The following IKBKB variants were observed in gnomAD, a reference collection of about 807,000 sequenced individuals.
IKBKB encodes the protein inhibitor of nuclear factor kappa-B kinase subunit beta.
Under a neutral mutation model 113.6 loss-of-function variants are expected in IKBKB, and 42 were observed. The observed-to-expected ratio is 0.37, with a 90% confidence interval of 0.29 to 0.48. The LOEUF is 0.48. IKBKB is among the 20% of genes least tolerant of loss of function. The pLI, the probability that IKBKB is intolerant of heterozygous loss-of-function variation, is 0.99. For missense variants in IKBKB, 673 were observed against 939.7 expected, an observed-to-expected ratio of 0.72 and a Z score of 3.71; for synonymous variants, 296 against 361.3, an observed-to-expected ratio of 0.82 and a Z score of 2.05.
intron 6 of IKBKB, among the ~76,000 whole-genome samples, chr8:42,305,747 C>T (rs984984208): frequency 6.6e-6 from 1 of 152,156 alleles, no homozygotes; most frequent in Non-Finnish European, 1.5e-5. Flanking sequence ...AGTGGCCACC[C>T]GGCTCAGACG....
chr8:42,295,486 G>C (rs1481800763), intron 5 of IKBKB, among the ~76,000 whole-genome samples: 1 of 152,148 alleles, frequency 6.6e-6, no homozygotes, highest in Non-Finnish European at 1.5e-5. Context: ...CAGCACTTTG[G>C]GGGGCTGATG....
chr8:42,317,145 C>A, intron 11 of IKBKB: 1 of 530,260 alleles, frequency 1.9e-6, no homozygotes, highest in Non-Finnish European at 3.4e-6. Context: ...GCCTTTATTG[C>A]AAAAAATGAT....
chr8:42,329,075 C>G (rs752659396), intron 20 of IKBKB, 49 bp from the exon 21 acceptor site: 1 of 1,425,230 alleles, frequency 7.0e-7, no homozygotes, highest in Non-Finnish European at 9.8e-7. Context: ...AGTGTTAGCT[C>G]TGATAACTAA....
At position 42,319,653 on chromosome 8, in the gene IKBKB, G is replaced by GACT. The variant is rs769823111; in HGVS notation, c.1578+8_1578+10dup. 2 of 1,581,714 alleles carry GACT rather than the reference G, an allele frequency of 1.3e-6. No individual in the cohort carries two copies. Among genetic ancestry groups the GACT allele is most frequent in the East Asian group, 4.5e-5 (2 of 44,624 alleles). Reference sequence around the variant, plus strand: ...TGTGGAGCTCTGTGGGCGGGTAGGAGACTCATTTTGGGTTTCGGAACTTAC... The same window carrying GACT: ...TGTGGAGCTCTGTGGGCGGGTAGGAGACTACTCATTTTGGGTTTCGGAACTTAC... On this transcript the variant is annotated splice_region_variant and intron_variant, in intron 15 of 21. Coordinates refer to ENST00000520810, the MANE Select transcript of IKBKB (RefSeq NM_001556.3).
chr8:42,297,183 G>A (rs769587511), intron 5 of IKBKB, among the ~76,000 whole-genome samples: 15 of 152,166 alleles, frequency 9.9e-5, no homozygotes, highest in Non-Finnish European at 2.1e-4. Flanking sequence ...TGATGAGCTC[G>A]TATTTTACTT....
intron 8 of IKBKB, among the ~76,000 whole-genome samples, chr8:42,313,335 C>T (rs946721103): frequency 9.9e-5 from 15 of 152,066 alleles, no homozygotes; most frequent in African/African-American, 3.6e-4. Flanking sequence ...CCAGTAGTCC[C>T]AGCTACTCAG....
At chr8:42,275,152 C>T (rs1808816736) in intron 2 of IKBKB, among the ~76,000 whole-genome samples, 1 of 151,520 alleles carries the variant, frequency 6.6e-6, no homozygotes, top group African/African-American at 2.4e-5. Flanking sequence ...ACTGGGATTA[C>T]AGGCATGAGC....
At position 42,272,111 on chromosome 8, in the gene IKBKB, C is replaced by T; in HGVS notation, c.11C>T (p.Ser4Leu). Residue 4 changes from serine (S) to leucine (L), a missense_variant, in exon 2 of 22, where the codon TCA becomes TTA. Around this residue, in one of 2 missense-constraint regions of IKBKB, gnomAD observed 167 missense variants for 301.0 expected, o/e 0.55. Transcript: ENST00000520810. ...TAGCACGACATCAGTATGAGCTGGT[C>T]ACCTTCCCTGACAACGCAGACATGT... MSW[S>L]PSLTTQTCGA... The T allele has an allele frequency of 6.2e-7, 1 of 1,614,142 alleles. No individual in the cohort carries two copies. The highest frequency in any genetic ancestry group is 1.1e-5 in the South Asian group (1 of 91,074).
In IKBKB at chr8:42,316,281, A is replaced by G; in HGVS notation, c.872A>G (p.Asp291Gly). Residue 291 changes from aspartate (D) to glycine (G), a missense_variant, in exon 10 of 22, where the codon GAT becomes GGT. This residue lies in a region of IKBKB where 506 missense variants were observed against 638.7 expected (regional missense o/e 0.79). Coordinates refer to ENST00000520810, the MANE Select transcript of IKBKB (RefSeq NM_001556.3). The surrounding 1 kb of genome is among the most constrained non-coding windows in gnomAD (Gnocchi z 4.5). The part of the protein sequence containing the change: ...LMWHPRQRGT[D>G]PTYGPNGCFK... ...TGGCACCCCCGACAGAGGGGCACGG[A>G]TCCCACGTATGGGCCCAATGGCTGC... is the stretch of plus-strand genomic sequence containing the variant. The G allele has an allele frequency of 6.2e-7, 1 of 1,614,116 alleles. No homozygotes were observed. The highest frequency in any genetic ancestry group is 8.5e-7 in the Non-Finnish European group (1 of 1,180,018).
At position 42,272,159 on chromosome 8, in the gene IKBKB, G is replaced by A. The variant is rs749580126; in HGVS notation, c.59G>A (p.Arg20His). 1 of 1,614,192 alleles carries A rather than the reference G, an allele frequency of 6.2e-7. No homozygotes were observed. The highest frequency in any genetic ancestry group is 8.5e-7 in the Non-Finnish European group (1 of 1,180,040). The change falls in exon 2 of 22, where the codon CGC becomes CAC. Residue 20 changes from arginine (R) to histidine (H), a missense_variant. Physicochemically the swap from Arg to His is conservative, Grantham distance 29. This residue lies in a region of IKBKB where 167 missense variants were observed against 301.0 expected (regional missense o/e 0.55). Transcript: ENST00000520810. ...QTCGAWEMKE[R>H]LGTGGFGNVI... ...TGTGGGGCCTGGGAAATGAAAGAGC[G>A]CCTTGGGACAGGGGGATTTGGAAAT...
chr8:42,318,330 A>C (rs1288996275), intron 12 of IKBKB, among the ~76,000 whole-genome samples: 1 of 152,202 alleles, frequency 6.6e-6, no homozygotes, highest in African/African-American at 2.4e-5. Flanking sequence ...TGGTTCGTAA[A>C]GTGTTCCTTC....
intron 12 of IKBKB, 150 bp downstream of exon 12, chr8:42,317,921 G>T: frequency 1.5e-6 from 1 of 651,018 alleles, no homozygotes; most frequent in Non-Finnish European, 2.8e-6. Flanking sequence ...TTTAGGACAT[G>T]CAAGGAGTAG....
chr8:42,287,088 ACAGTGGTG>A (rs1488073364), intron 2 of IKBKB, among the ~76,000 whole-genome samples: 1 of 152,188 alleles, frequency 6.6e-6, no homozygotes, highest in Non-Finnish European at 1.5e-5. Flanking sequence ...AAAAGAGGTG[ACAGTGGTG>A]CAGTGGTGAC....
At chr8:42,271,633 G>A in intron 1 of IKBKB, 164 bp downstream of exon 1, 6 of 547,710 alleles carry the variant, frequency 1.1e-5, no homozygotes, top group Non-Finnish European at 1.6e-5. Context: ...GGGAGAAACA[G>A]CTCTCCCTGG....
In IKBKB at chr8:42,326,049, C is replaced by T; in HGVS notation, c.2066C>T (p.Ser689Phe). The stretch of plus-strand genomic sequence containing the variant: ...CTTAGCCAGCCTGGGCAGCTGATGT[C>T]TCAGCCCTCCACGGCCTCCAACAGC... Reference protein sequence around the residue: ...SRLSQPGQLMSQPSTASNSLP... With the variant: ...SRLSQPGQLMFQPSTASNSLP... Residue 689 changes from serine to phenylalanine, a missense_variant, in exon 20 of 22, where the codon TCT (serine) becomes TTT (phenylalanine). By Grantham distance (155) the Ser-to-Phe change is radical. Around this residue, in one of 2 missense-constraint regions of IKBKB, gnomAD observed 506 missense variants for 638.7 expected, o/e 0.79. Transcript: ENST00000520810. 6.2e-7 allele frequency: 1 copy of T among 1,614,236 alleles called. No homozygotes were observed. The highest frequency in any genetic ancestry group is 8.5e-7 in the Non-Finnish European group (1 of 1,180,040).
At chr8:42,315,108 G>T (rs951818175) in intron 9 of IKBKB, among the ~76,000 whole-genome samples, 7 of 152,152 alleles carry the variant, frequency 4.6e-5, no homozygotes, top group Non-Finnish European at 7.3e-5. Flanking sequence ...GCCCAATTCT[G>T]TGTCACAGTC....
chr8:42,330,740 C>T (rs1465313293), intron 21 of IKBKB, 174 bp from the exon 22 acceptor site: 5 of 843,322 alleles, frequency 5.9e-6, no homozygotes, highest in East Asian at 2.5e-4. Flanking sequence ...GAACTCCTGA[C>T]CTCATGATCT....
chr8:42,298,322 A>G, intron 5 of IKBKB: 1 of 985,404 alleles, frequency 1.0e-6, no homozygotes. Flanking sequence ...TGGTGACACC[A>G]TCCTGTGCTC....
At chr8:42,274,904 T>C (rs1210067733) in intron 2 of IKBKB, among the ~76,000 whole-genome samples, 1 of 150,602 alleles carries the variant, frequency 6.6e-6, no homozygotes, top group Non-Finnish European at 1.5e-5. Flanking sequence ...TGAGATGGAT[T>C]CTTGCTCTGT....
Sources: allele counts gnomAD v4.1 joint callset (sites outside exome capture counted in the v4.1 genomes callset), GRCh38; gene constraint gnomAD v4.1.1; regional missense constraint gnomAD v4.1.1; non-coding constraint Gnocchi (gnomAD v3.1); transcripts MANE v1.5; gene names NCBI Gene and HGNC (gene_info 2026-07-23, HGNC 2026-07-21).